DPYSL2: variants seen among roughly 807,000 people sequenced by gnomAD.
The protein encoded by DPYSL2 is dihydropyrimidinase-related protein 2.
In DPYSL2, 13 loss-of-function variants were observed where a neutral mutation model predicts 69.9. The ratio of observed to expected loss-of-function variants is 0.19; its 90% CI spans 0.12 to 0.30. The LOEUF is 0.30. Ranked by LOEUF, DPYSL2 falls within the 10% of genes least tolerant of loss-of-function variation. The pLI, the probability that DPYSL2 is intolerant of heterozygous loss-of-function variation, is 1.00. For synonymous variants in DPYSL2, 326 were observed against 359.1 expected, an observed-to-expected ratio of 0.91 and a Z score of 1.04; for missense variants, 587 against 918.9, an observed-to-expected ratio of 0.64 and a Z score of 4.67.
At chr8:26,559,202 C>G (rs1801036558) in intron 1 of DPYSL2, among the ~76,000 whole-genome samples, 1 of 152,168 alleles carries the variant, frequency 6.6e-6, no homozygotes, top group Non-Finnish European at 1.5e-5. Flanking sequence ...CTCCGCCTCC[C>G]AAAGTGCTAG....
chr8:26,588,949 C>T lies in DPYSL2; in HGVS notation c.628+4966C>T, dbSNP rs1801663132. On this transcript the variant is annotated intron_variant, in intron 3 of 13. Coordinates refer to ENST00000521913, the MANE Select transcript of DPYSL2 (RefSeq NM_001197293.3). This position sits in a 1 kb window ranked among gnomAD's most constrained non-coding sequence, Gnocchi z 5.4. ...TTACCCACACAGATTTGACTTTTGT[C>T]ACCTCTTCCTGGATTTTGGCCCTGT... 6.6e-6 allele frequency among the ~76,000 whole-genome samples: 1 copy of T among 152,206 alleles called. No individual in the cohort carries two copies. The highest frequency in any genetic ancestry group is 2.4e-5 in the African/African-American group (1 of 41,452).
chr8:26,559,332 T>A (rs907854271), intron 1 of DPYSL2, among the ~76,000 whole-genome samples: 2 of 152,198 alleles, frequency 1.3e-5, no homozygotes, highest in Admixed American at 1.3e-4. Flanking sequence ...GAAAAGAAAC[T>A]TCTGTATCAA....
At chr8:26,579,964 C>CCA (rs1491161162) in intron 1 of DPYSL2, among the ~76,000 whole-genome samples, 4 of 132,416 alleles carry the variant, frequency 3.0e-5, no homozygotes, top group Non-Finnish European at 6.6e-5. Context: ...GCCCCCCCCC[C>CCA]CACACCCTTT....
chr8:26,517,085 T>G lies in DPYSL2; in HGVS notation c.354+2406T>G, dbSNP rs1808302266. Among the ~76,000 whole-genome samples, 1 of 152,126 alleles carries G rather than the reference T, an allele frequency of 6.6e-6. No homozygotes were observed. The highest frequency in any genetic ancestry group is 2.4e-5 in the African/African-American group (1 of 41,412). The stretch of plus-strand genomic sequence containing the variant: ...AGAGAAAGGTGGGGGAGATTGAGAA[T>G]GGGTGGATCCTGGGACCCTGACTCA... On this transcript the variant is annotated intron_variant, in intron 1 of 13. Transcript: ENST00000521913. The surrounding 1 kb of genome is among the most constrained non-coding windows in gnomAD (Gnocchi z 4.2).
At chr8:26,550,218 T>C (rs964160473) in intron 1 of DPYSL2, among the ~76,000 whole-genome samples, 2 of 152,156 alleles carry the variant, frequency 1.3e-5, no homozygotes, top group African/African-American at 4.8e-5. Flanking sequence ...ATAGTGTAAT[T>C]TGAACATGGA....
At chr8:26,625,368 A>T (rs540977249) in intron 4 of DPYSL2, among the ~76,000 whole-genome samples, 3 of 152,190 alleles carry the variant, frequency 2.0e-5, no homozygotes, top group Non-Finnish European at 4.4e-5. Context: ...TTAACTGTGG[A>T]TACTTAGACT....
At chr8:26,590,692 G>T (rs1361694859) in intron 3 of DPYSL2, among the ~76,000 whole-genome samples, 1 of 152,140 alleles carries the variant, frequency 6.6e-6, no homozygotes, top group African/African-American at 2.4e-5. Flanking sequence ...TGGACTGGAA[G>T]AATCCATCCA....
chr8:26,527,011 C>G (rs1808489528), intron 1 of DPYSL2, among the ~76,000 whole-genome samples: 1 of 152,194 alleles, frequency 6.6e-6, no homozygotes, highest in Non-Finnish European at 1.5e-5. Flanking sequence ...GACAAAGAAG[C>G]AGTGATCACT....
Position 26,562,705 on chromosome 8 carries a change from A to G in DPYSL2, c.355-19264A>G, listed in dbSNP as rs1218180081. Among the ~76,000 whole-genome samples, 1 of 152,196 alleles carries G rather than the reference A, an allele frequency of 6.6e-6. No individual in the cohort carries two copies. The highest frequency in any genetic ancestry group is 2.4e-5 in the African/African-American group (1 of 41,440). ...CAAATAGCCCCAAAATATAGTGGCA[A>G]AGACCAACAACACTCTTACTGTGCT... On this transcript the variant is annotated intron_variant, in intron 1 of 13. Transcript: ENST00000521913. The surrounding 1 kb of genome is among the most constrained non-coding windows in gnomAD (Gnocchi z 4.9).
In DPYSL2 at chr8:26,587,519, G is replaced by A. The variant is rs1377509536; in HGVS notation, c.628+3536G>A. 6.6e-6 allele frequency among the ~76,000 whole-genome samples: 1 copy of A among 152,166 alleles called. No homozygotes were observed. Among genetic ancestry groups the A allele is most frequent in the African/African-American group, 2.4e-5 (1 of 41,422 alleles). On this transcript the variant is annotated intron_variant, in intron 3 of 13. Coordinates refer to ENST00000521913, the MANE Select transcript of DPYSL2 (RefSeq NM_001197293.3). This position sits in a 1 kb window ranked among gnomAD's most constrained non-coding sequence, Gnocchi z 4.2. Reference sequence around the variant, plus strand: ...GAGACTCCTTTCTGTCTGAAATGGCGCCGCATGTAGAGGAAAACACAGCCA... The same window carrying A: ...GAGACTCCTTTCTGTCTGAAATGGCACCGCATGTAGAGGAAAACACAGCCA...
chr8:26,621,222 G>A lies in DPYSL2; in HGVS notation c.629-2921G>A, dbSNP rs1053707119. The stretch of plus-strand genomic sequence containing the variant: ...CCCAAATTTGAATAGGTTGATTTTG[G>A]GGTGGTGGTGGTAATGGGATTATTA... On this transcript the variant is annotated intron_variant, in intron 3 of 13. Coordinates refer to ENST00000521913, the MANE Select transcript of DPYSL2 (RefSeq NM_001197293.3). The surrounding 1 kb of genome is among the most constrained non-coding windows in gnomAD (Gnocchi z 4.9). 3.9e-5 allele frequency among the ~76,000 whole-genome samples: 6 copies of A among 152,160 alleles called. No individual in the cohort carries two copies. The highest frequency in any genetic ancestry group is 1.4e-4 in the African/African-American group (6 of 41,432).
Position 26,605,137 on chromosome 8 carries a change from C to A in DPYSL2, c.629-19006C>A, listed in dbSNP as rs1481302394. Among the ~76,000 whole-genome samples the A allele has an allele frequency of 6.6e-6, 1 of 152,080 alleles. No individual in the cohort carries two copies. The highest frequency in any genetic ancestry group is 1.5e-5 in the Non-Finnish European group (1 of 68,018). ...CAGGTCCCTGGCCATGGGACTTGGG[C>A]AGGAGCACCAGGGCTGGCCCATCAA... On this transcript the variant is annotated intron_variant, in intron 3 of 13. Transcript: ENST00000521913. The surrounding 1 kb of genome is among the most constrained non-coding windows in gnomAD (Gnocchi z 4.1).
chr8:26,629,166 T>C (rs1476381131), intron 7 of DPYSL2, among the ~76,000 whole-genome samples: 2 of 152,140 alleles, frequency 1.3e-5, no homozygotes, highest in Admixed American at 6.5e-5. Context: ...TGCATGCATA[T>C]GCACACATAG....
At chr8:26,558,175 A>C (rs77803524) in intron 1 of DPYSL2, among the ~76,000 whole-genome samples, 4,275 of 152,284 alleles carry the variant, frequency 0.028, 208 homozygotes, top group African/African-American at 0.096. Flanking sequence ...TGATTGCAAG[A>C]ACTAGAAATC....
In DPYSL2 at chr8:26,609,136, A is replaced by G. The variant is rs1259166058; in HGVS notation, c.629-15007A>G. 6.6e-6 allele frequency among the ~76,000 whole-genome samples: 1 copy of G among 152,148 alleles called. No homozygotes were observed. The highest frequency in any genetic ancestry group is 1.5e-5 in the Non-Finnish European group (1 of 68,028). ...ATTTGAACGAGGTGCTCTTGTCTTT[A>G]TTATGTATTGTCTGCCCATAAATGA... On this transcript the variant is annotated intron_variant, in intron 3 of 13. Coordinates refer to ENST00000521913, the MANE Select transcript of DPYSL2 (RefSeq NM_001197293.3). This position sits in a 1 kb window ranked among gnomAD's most constrained non-coding sequence, Gnocchi z 6.5.
In DPYSL2 at chr8:26,593,110, G is replaced by A. The variant is rs1269851140; in HGVS notation, c.628+9127G>A. ...GAGTTCTTTCTGGTTAACCCATTTG[G>A]GAGGTAGCTTTCTTTGAATATGACT... On this transcript the variant is annotated intron_variant, in intron 3 of 13. Transcript: ENST00000521913. The surrounding 1 kb of genome is among the most constrained non-coding windows in gnomAD (Gnocchi z 5.7). 6.6e-6 allele frequency among the ~76,000 whole-genome samples: 1 copy of A among 152,156 alleles called. No homozygotes were observed. Among genetic ancestry groups the A allele is most frequent in the African/African-American group, 2.4e-5 (1 of 41,436 alleles).
In DPYSL2 at chr8:26,617,197, TG is replaced by T. The variant is rs1802374511; in HGVS notation, c.629-6941del. ...CTATAATTAGGCAAGATGTTTCCTT[TG>T]GGGGAAACGGGGTGAAGGGTATGAA... On this transcript the variant is annotated intron_variant, in intron 3 of 13. Coordinates refer to ENST00000521913, the MANE Select transcript of DPYSL2 (RefSeq NM_001197293.3). This position sits in a 1 kb window ranked among gnomAD's most constrained non-coding sequence, Gnocchi z 4.7. Among the ~76,000 whole-genome samples, 1 of 152,176 alleles carries T rather than the reference TG, an allele frequency of 6.6e-6. No homozygotes were observed.
chr8:26,554,312 T>A (rs1800911582), intron 1 of DPYSL2, among the ~76,000 whole-genome samples: 1 of 152,150 alleles, frequency 6.6e-6, no homozygotes, highest in African/African-American at 2.4e-5. Context: ...TTTGGCTGCC[T>A]GTATGTCTTC....
chr8:26,573,815 C>T (rs7835564), intron 1 of DPYSL2, among the ~76,000 whole-genome samples: 15,982 of 125,016 alleles, frequency 0.13, 1,004 homozygotes, highest in African/African-American at 0.15. Context: ...CCAGCCTGGG[C>T]GACAGAGTGA....
Sources: gnomAD v4.1 joint callset for allele counts (sites outside exome capture counted in the v4.1 genomes callset) on GRCh38, gnomAD v4.1.1 for gene constraint, Gnocchi (gnomAD v3.1) non-coding constraint, MANE v1.5 for transcripts, NCBI Gene and HGNC (gene_info 2026-07-23, HGNC 2026-07-21) for gene names.